The following LEF1 variants were observed in gnomAD, a reference collection of about 807,000 sequenced individuals.
LEF1 encodes the protein lymphoid enhancer-binding factor 1.
LEF1 carries 14 observed loss-of-function variants against 51.2 expected under a neutral mutation model. That is an observed-to-expected ratio of 0.27 (90% confidence interval 0.18 to 0.43). LEF1 has a LOEUF of 0.43. Among genes scored for constraint, LEF1 ranks in the 20% least tolerant of loss-of-function variants. The pLI, the probability that LEF1 is intolerant of heterozygous loss-of-function variation, is 1.00. For missense variants in LEF1, 386 were observed against 512.0 expected (o/e 0.75, Z 2.37); for synonymous variants, 185 against 183.2 (o/e 1.01, Z -0.08).
At chr4:108,113,096 G>A (rs1047953284) in intron 3 of LEF1, among the ~76,000 whole-genome samples, 1 of 152,114 alleles carries the variant, frequency 6.6e-6, no homozygotes, top group Non-Finnish European at 1.5e-5. Flanking sequence ...AAACAGACAG[G>A]GTGTGTTTTT....
chr4:108,054,267 G>A (rs77938352), intron 11 of LEF1, among the ~76,000 whole-genome samples: 2,812 of 152,312 alleles, frequency 0.018, 76 homozygotes, highest in African/African-American at 0.064. Context: ...CATCAGGTGC[G>A]CTGCGGGATG....
chr4:108,123,432 GTTTTTTTTTTTTTT>G (rs34015287), intron 3 of LEF1, among the ~76,000 whole-genome samples: 2 of 72,370 alleles, frequency 2.8e-5, no homozygotes, highest in Admixed American at 1.7e-4. Flanking sequence ...GCTAGGGTTG[GTTTTTTTTTTTTTT>G]TTTTTTTTTT....
intron 3 of LEF1, among the ~76,000 whole-genome samples, chr4:108,137,502 T>C (rs1292686218): frequency 2.0e-5 from 3 of 152,174 alleles, no homozygotes; most frequent in Admixed American, 6.5e-5. Context: ...CCCTCAAAGA[T>C]AGGAAAAGAG....
At chr4:108,086,890 G>A (rs1739685846) in intron 4 of LEF1, among the ~76,000 whole-genome samples, 1 of 148,794 alleles carries the variant, frequency 6.7e-6, no homozygotes, top group Admixed American at 6.7e-5. Flanking sequence ...TTAACCTGGA[G>A]TTGTTTTTCC....
rs141094016 is a variant in LEF1 at position 108,152,781 on chromosome 4, C to T, written c.414+10787G>A. Among the ~76,000 whole-genome samples the T allele has an allele frequency of 5.5e-3, 841 of 152,298 alleles. 13 individuals carry two copies. Among genetic ancestry groups the T allele is most frequent in the African/African-American group, 0.02 (817 of 41,556 alleles). Reference sequence around the variant, plus strand: ...CGGGGCCAGTAATCTGCCTTTTTAACAGAAACACCTGTAATTCAGAGGCCA... The same window carrying T: ...CGGGGCCAGTAATCTGCCTTTTTAATAGAAACACCTGTAATTCAGAGGCCA... On this transcript the variant is annotated intron_variant, in intron 3 of 11. Coordinates refer to ENST00000265165, the MANE Select transcript of LEF1 (RefSeq NM_016269.5).
intron 11 of LEF1, among the ~76,000 whole-genome samples, chr4:108,058,227 C>A (rs1560756256): frequency 6.6e-6 from 1 of 152,150 alleles, no homozygotes; most frequent in South Asian, 2.1e-4. Flanking sequence ...ACTCTCATGT[C>A]ATACAACTAA....
chr4:108,166,819 G>T, intron 1 of LEF1: 1 of 985,858 alleles, frequency 1.0e-6, no homozygotes, highest in Non-Finnish European at 1.2e-6. Flanking sequence ...GTTTCCAAGT[G>T]ATGGCGGTTG....
In LEF1 at chr4:108,167,588, C is replaced by T. The variant is rs1207767576; in HGVS notation, c.180G>A (p.Glu60=). The T allele has an allele frequency of 2.5e-6, 4 of 1,614,214 alleles. No individual in the cohort carries two copies. Among genetic ancestry groups the T allele is most frequent in the African/African-American group, 1.3e-5 (1 of 75,060 alleles). ...LADIKSSLVN[E]SEIIPASNGH... is the part of the protein sequence containing the mutation. ...CGTTGCTGGCCGGGATGATTTCAGA[C>T]TCGTTCACCAAGGAAGACTTGATGT... The change falls in exon 1 of 12, where the codon GAG becomes GAA. Residue 60 remains glutamate, a synonymous_variant. Transcript: ENST00000265165. The surrounding 1 kb of genome is among the most constrained non-coding windows in gnomAD (Gnocchi z 5.7).
At chr4:108,104,760 T>A in intron 3 of LEF1, 1 of 797,480 alleles carries the variant, frequency 1.3e-6, no homozygotes, top group Non-Finnish European at 1.5e-6. Context: ...TTATTAGTTT[T>A]CCTTGCCCCT....
intron 9 of LEF1, chr4:108,070,419 T>C (rs1168658849): frequency 6.4e-6 from 2 of 312,176 alleles, no homozygotes; most frequent in African/African-American, 2.2e-5. Flanking sequence ...ATTTTAATAA[T>C]AAGGTATTAG....
At chr4:108,142,586 T>A (rs1009894330) in intron 3 of LEF1, among the ~76,000 whole-genome samples, 1 of 152,234 alleles carries the variant, frequency 6.6e-6, no homozygotes, top group African/African-American at 2.4e-5. Context: ...GTGTAATTCA[T>A]CCATTATTAC....
intron 4 of LEF1, among the ~76,000 whole-genome samples, chr4:108,085,205 C>T (rs1285386835): frequency 6.6e-6 from 1 of 152,218 alleles, no homozygotes; most frequent in Non-Finnish European, 1.5e-5. Flanking sequence ...TCTCCAGCCT[C>T]AGCCTCCTGA....
chr4:108,075,274 G>C (rs970935668), intron 8 of LEF1: 5 of 152,188 alleles, frequency 3.3e-5, no homozygotes, highest in Non-Finnish European at 5.9e-5. Flanking sequence ...AATGGGAATC[G>C]ATAATGTAAG....
intron 3 of LEF1, among the ~76,000 whole-genome samples, chr4:108,153,421 T>A (rs1744482483): frequency 6.6e-6 from 1 of 152,228 alleles, no homozygotes; most frequent in South Asian, 2.1e-4. Context: ...TGCCTGATAC[T>A]GTCTGGCCTT....
chr4:108,152,058 A>T lies in LEF1; in HGVS notation c.414+11510T>A, dbSNP rs937293766. Among the ~76,000 whole-genome samples the T allele has an allele frequency of 1.9e-4, 29 of 152,212 alleles. 1 individual carries two copies. The highest frequency in any genetic ancestry group is 1.3e-4 in the Admixed American group (2 of 15,276). On this transcript the variant is annotated intron_variant, in intron 3 of 11. Transcript: ENST00000265165. ...GAGAAATACAAACACAAAGACAAAA[A>T]GCTATTGGAAAACATGGCTACAGAG...
Position 108,167,775 on chromosome 4 carries a change from G to A in LEF1, c.-8C>T. On this transcript the variant is annotated 5_prime_UTR_variant, in exon 1 of 12. Coordinates refer to ENST00000265165, the MANE Select transcript of LEF1 (RefSeq NM_016269.5). The surrounding 1 kb of genome is among the most constrained non-coding windows in gnomAD (Gnocchi z 5.7). ...TCCGGAGAGTTGGGGCATCCCGGCG[G>A]CTCTGTAATCTCCGCTCCGCTGTGG... The A allele has an allele frequency of 6.2e-7, 1 of 1,610,554 alleles. No individual in the cohort carries two copies. The highest frequency in any genetic ancestry group is 1.1e-5 in the South Asian group (1 of 90,952).
rs1736725476 is a variant in LEF1 at position 108,047,961 on chromosome 4, T to G, written c.*797A>C. 1 of 152,602 alleles carries G rather than the reference T, an allele frequency of 6.6e-6. No individual in the cohort carries two copies. The highest frequency in any genetic ancestry group is 2.4e-5 in the African/African-American group (1 of 41,436). The allele number at this position is 152,602 out of a possible 1,614,324, so 9.5% of individuals were successfully genotyped here. On this transcript the variant is annotated 3_prime_UTR_variant, in exon 12 of 12. Transcript: ENST00000265165. ...AACAGAGTGGGTTTGGCTATTACAT[T>G]TATTTAGCTCTACTGAACACCTTAC...
Position 108,122,162 on chromosome 4 carries a change from G to T in LEF1, c.415-32905C>A, listed in dbSNP as rs553104116. Reference sequence around the variant, plus strand: ...TATTTACTTTTTTAAGGTGGTAGGGGGCTCCTGCTGATTTACTAACTACTG... The same window carrying T: ...TATTTACTTTTTTAAGGTGGTAGGGTGCTCCTGCTGATTTACTAACTACTG... On this transcript the variant is annotated intron_variant, in intron 3 of 11. Coordinates refer to ENST00000265165, the MANE Select transcript of LEF1 (RefSeq NM_016269.5). Among the ~76,000 whole-genome samples the T allele has an allele frequency of 2.0e-5, 3 of 152,114 alleles. No individual in the cohort carries two copies. In the South Asian group the frequency reaches 6.2e-4, roughly 32 times the overall value.
chr4:108,161,101 C>T (rs1745026919), intron 3 of LEF1, among the ~76,000 whole-genome samples: 1 of 152,168 alleles, frequency 6.6e-6, no homozygotes, highest in Non-Finnish European at 1.5e-5. Flanking sequence ...ACACTCAGCC[C>T]TGCTAAGGAC....
Sources: gnomAD v4.1 joint callset for allele counts (sites outside exome capture counted in the v4.1 genomes callset) on GRCh38, gnomAD v4.1.1 for gene constraint, Gnocchi (gnomAD v3.1) non-coding constraint, MANE v1.5 for transcripts, NCBI Gene and HGNC (gene_info 2026-07-23, HGNC 2026-07-21) for gene names.